DCAF10: variants seen among roughly 807,000 people sequenced by gnomAD.
The protein encoded by DCAF10 is DDB1- and CUL4-associated factor 10.
A neutral mutation model predicts 51.9 loss-of-function variants in DCAF10; 19 were observed. The observed-to-expected ratio is 0.37, with a 90% CI of 0.26 to 0.54. The LOEUF is 0.54. Among genes scored for constraint, DCAF10 ranks in the 20% least tolerant of loss-of-function variants. The probability of loss-of-function intolerance (pLI) is 0.87; values close to 1 mark genes in which losing one functional copy is unlikely to be tolerated. For synonymous variants in DCAF10, 291 were observed against 297.1 expected (o/e 0.98, Z 0.21); for missense variants, 510 against 730.6 (o/e 0.70, Z 3.48).
intron 3 of DCAF10, among the ~76,000 whole-genome samples, chr9:37,843,413 A>C (rs1830390070): frequency 6.6e-6 from 1 of 152,204 alleles, no homozygotes; most frequent in South Asian, 2.1e-4. Context: ...TGGAAGGCAA[A>C]AACTATTGGT....
chr9:37,809,122 G>C (rs959955177), intron 1 of DCAF10, among the ~76,000 whole-genome samples: 1 of 149,324 alleles, frequency 6.7e-6, no homozygotes, highest in African/African-American at 2.5e-5. Flanking sequence ...AACTAGAAAA[G>C]TCTCATTCAT....
intron 1 of DCAF10, among the ~76,000 whole-genome samples, chr9:37,803,509 A>G (rs1829019627): frequency 6.6e-6 from 1 of 151,822 alleles, no homozygotes; most frequent in Non-Finnish European, 1.5e-5. Context: ...AGATCATACT[A>G]ATTCTCATTA....
chr9:37,850,836 A>T (rs1428587056), intron 3 of DCAF10, among the ~76,000 whole-genome samples: 1 of 12,926 alleles, frequency 7.7e-5, no homozygotes, highest in Non-Finnish European at 1.6e-4. Flanking sequence ...TTATATATAT[A>T]TATATATATA....
At chr9:37,833,506 T>C (rs914191311) in intron 2 of DCAF10, among the ~76,000 whole-genome samples, 1 of 152,232 alleles carries the variant, frequency 6.6e-6, no homozygotes, top group Non-Finnish European at 1.5e-5. Flanking sequence ...CAACAACACT[T>C]TCATTTATAC....
At chr9:37,836,013 C>T (rs905139223) in intron 2 of DCAF10, 14 of 1,014,008 alleles carry the variant, frequency 1.4e-5, no homozygotes, top group Non-Finnish European at 2.2e-5. Context: ...GGCGCCGGCA[C>T]ACGGCCCCAA....
intron 1 of DCAF10, among the ~76,000 whole-genome samples, chr9:37,811,221 A>T (rs1197058516): frequency 6.6e-6 from 1 of 151,956 alleles, no homozygotes; most frequent in Non-Finnish European, 1.5e-5. Context: ...CATACTAGCT[A>T]CTCTGGAGGC....
At chr9:37,852,930 T>TTATATATA (rs59469290) in intron 3 of DCAF10, among the ~76,000 whole-genome samples, 3,859 of 108,192 alleles carry the variant, frequency 0.036, 136 homozygotes, top group East Asian at 0.059. Context: ...GTATGTGAGG[T>TTATATATA]TATATATATA....
intron 1 of DCAF10, among the ~76,000 whole-genome samples, chr9:37,816,425 C>T (rs373814180): frequency 6.6e-5 from 10 of 152,196 alleles, no homozygotes; most frequent in African/African-American, 2.2e-4. Context: ...CCCGTTTCTA[C>T]TAAAAATACA....
intron 2 of DCAF10, among the ~76,000 whole-genome samples, chr9:37,824,291 A>ATAGATTGTATGCACGGGGGAGTTTTG (rs1282505574): frequency 6.6e-6 from 1 of 152,202 alleles, no homozygotes; most frequent in Non-Finnish European, 1.5e-5. Flanking sequence ...GTAACAACAA[A>ATAGATTGTATGCACGGGGGAGTTTTG]TAGATTGTAT....
chr9:37,825,994 C>T (rs1269918646), intron 2 of DCAF10, among the ~76,000 whole-genome samples: 1 of 150,608 alleles, frequency 6.6e-6, no homozygotes, highest in Non-Finnish European at 1.5e-5. Context: ...GAGATCGCGT[C>T]ACTGCACACC....
chr9:37,835,529 G>C (rs1257659220), intron 2 of DCAF10, among the ~76,000 whole-genome samples: 1 of 151,974 alleles, frequency 6.6e-6, no homozygotes, highest in Non-Finnish European at 1.5e-5. Flanking sequence ...AGTGAGCCGA[G>C]ATCGCGCCAC....
chr9:37,801,173 A>G lies in DCAF10; in HGVS notation c.307A>G (p.Arg103Gly). The change falls in exon 1 of 7, where the codon AGG becomes GGG. Residue 103 changes from arginine (R) to glycine (G), a missense_variant. Transcript: ENST00000377724. This position sits in a 1 kb window ranked among gnomAD's most constrained non-coding sequence, Gnocchi z 5.5. The part of the protein sequence containing the change: ...PPCRRPGPDC[R>G]AKSRGRHGLG... ...GTGCCGGCGGCCCGGGCCAGACTGC[A>G]GGGCCAAGAGCCGGGGCCGACACGG... is the stretch of plus-strand genomic sequence containing the variant. The G allele has an allele frequency of 6.5e-7, 1 of 1,540,842 alleles. No individual in the cohort carries two copies. The highest frequency in any genetic ancestry group is 8.7e-7 in the Non-Finnish European group (1 of 1,145,230).
At position 37,857,224 on chromosome 9, in the gene DCAF10, T is replaced by G. The variant is rs772890646; in HGVS notation, c.1055-17T>G. 1.3e-6 allele frequency: 2 copies of G among 1,558,680 alleles called. No individual in the cohort carries two copies. The highest frequency in any genetic ancestry group is 2.0e-5 in the Admixed American group (1 of 49,972). On this transcript the variant is annotated splice_polypyrimidine_tract_variant and intron_variant, in intron 4 of 6. Transcript: ENST00000377724. ...AGTTATGCTAGGTTTATTGTCAGAA[T>G]TTTTTATATTTTTAAGATTTGACCA...
In DCAF10 at chr9:37,800,904, G is replaced by A; in HGVS notation, c.38G>A (p.Gly13Glu). The part of the protein sequence containing the change: ...PFGPHSPGGD[G>E]SAGAGAEEPT... ...GGGCCCCATAGCCCTGGAGGGGACG[G>A]ATCGGCCGGAGCCGGGGCTGAGGAG... The change falls in exon 1 of 7, where the codon GGA becomes GAA. Residue 13 changes from glycine (G) to glutamate (E), a missense_variant. Transcript: ENST00000377724. The A allele has an allele frequency of 6.7e-7, 1 of 1,496,896 alleles. No homozygotes were observed. The highest frequency in any genetic ancestry group is 1.3e-5 in the South Asian group (1 of 77,826). The allele number at this position is 1,496,896 out of a possible 1,614,324, so 92.7% of individuals were successfully genotyped here.
rs530423024 is a variant in DCAF10, at chr9:37,802,868, C to G, written c.539+1463C>G. ...CCTATTCCTAAAGTTTCCCTCAAAA[C>G]ACGAACAGTCTGTCCTCAAATATTC... On this transcript the variant is annotated intron_variant, in intron 1 of 6. Coordinates refer to ENST00000377724, the MANE Select transcript of DCAF10 (RefSeq NM_024345.5). 5.3e-5 allele frequency among the ~76,000 whole-genome samples: 8 copies of G among 152,330 alleles called. No individual in the cohort carries two copies. In the East Asian group the frequency reaches 1.2e-3, roughly 22 times the overall value.
chr9:37,808,921 TG>T (rs1829244825), intron 1 of DCAF10, among the ~76,000 whole-genome samples: 1 of 148,766 alleles, frequency 6.7e-6, no homozygotes. Flanking sequence ...AAGACCAGCC[TG>T]GGCAAGGAAG....
rs990651216 is a variant in DCAF10 at position 37,865,898 on chromosome 9, T to C, written c.*4390T>C. The C allele has an allele frequency of 2.0e-5, 3 of 152,626 alleles. No homozygotes were observed. Among genetic ancestry groups the C allele is most frequent in the Admixed American group, 6.5e-5 (1 of 15,282 alleles). The allele number at this position is 152,626 out of a possible 1,614,324, so 9.5% of individuals were successfully genotyped here. A position where few individuals can be genotyped will look rare whatever the true frequency, so the allele number is the denominator to read the frequency against. On this transcript the variant is annotated 3_prime_UTR_variant, in exon 7 of 7. Coordinates refer to ENST00000377724, the MANE Select transcript of DCAF10 (RefSeq NM_024345.5). ...CTAGAACCAAGATCACATTATATCA[T>C]TGTTAAAATTGTGTTATCTAGAAAG...
Position 37,822,945 on chromosome 9 carries a change from T to C in DCAF10, c.653+3544T>C, listed in dbSNP as rs886387524. On this transcript the variant is annotated intron_variant, in intron 2 of 6. Transcript: ENST00000377724. ...ATTGCACCACTGCTCTCAGCCTAGG[T>C]GACAGAGCAAGACTCTATCCTTATA... is the stretch of plus-strand genomic sequence containing the variant. Among the ~76,000 whole-genome samples the C allele has an allele frequency of 2.6e-5, 4 of 152,088 alleles. 1 individual carries two copies. Among genetic ancestry groups the C allele is most frequent in the African/African-American group, 9.7e-5 (4 of 41,414 alleles).
chr9:37,801,859 C>T lies in DCAF10; in HGVS notation c.539+454C>T, dbSNP rs1828960907. ...TGTACCTGAACTTGCCATGATGGGG[C>T]AAGTGCGTTCCTTTGCTCAAGGAAG... On this transcript the variant is annotated intron_variant, in intron 1 of 6. Transcript: ENST00000377724. This position sits in a 1 kb window ranked among gnomAD's most constrained non-coding sequence, Gnocchi z 5.5. 6.6e-6 allele frequency among the ~76,000 whole-genome samples: 1 copy of T among 152,296 alleles called. No homozygotes were observed. Among genetic ancestry groups the T allele is most frequent in the South Asian group, 2.1e-4 (1 of 4,830 alleles).
Sources: gnomAD v4.1 joint callset for allele counts (sites outside exome capture counted in the v4.1 genomes callset) on GRCh38, gnomAD v4.1.1 for gene constraint, Gnocchi (gnomAD v3.1) non-coding constraint, MANE v1.5 for transcripts, NCBI Gene and HGNC (gene_info 2026-07-23, HGNC 2026-07-21) for gene names.